RERG: variants seen among roughly 807,000 people sequenced by gnomAD.
RERG encodes RAS like estrogen regulated growth inhibitor.
A neutral mutation model predicts 23.2 loss-of-function variants in RERG; 25 were observed. The ratio of observed to expected loss-of-function variants is 1.08; its 90% CI spans 0.79 to 1.50. The LOEUF (loss-of-function observed/expected upper bound fraction) is 1.50, where lower values mean the gene tolerates loss of function less well. RERG is among the 40% of genes most tolerant of loss of function. The pLI is 0.00. For synonymous variants in RERG, 81 were observed against 89.1 expected (o/e 0.91, Z 0.51); for missense variants, 253 against 250.1 (o/e 1.01, Z -0.08).
At chr12:15,201,588 T>C (rs1022693641) in intron 2 of RERG, among the ~76,000 whole-genome samples, 4 of 148,848 alleles carry the variant, frequency 2.7e-5, no homozygotes, top group Non-Finnish European at 6.0e-5. Flanking sequence ...TAATATTAAT[T>C]ATTAGTAATT....
chr12:15,166,982 G>A (rs1412065244), intron 2 of RERG, among the ~76,000 whole-genome samples: 1 of 152,024 alleles, frequency 6.6e-6, no homozygotes, highest in Non-Finnish European at 1.5e-5. Flanking sequence ...ATATGTTCAT[G>A]TGCTTTCTCA....
At chr12:15,194,478 CAAA>C (rs1446572072) in intron 2 of RERG, among the ~76,000 whole-genome samples, 1 of 142,858 alleles carries the variant, frequency 7.0e-6, no homozygotes, top group East Asian at 2.1e-4. Flanking sequence ...ACTTAAAAAA[CAAA>C]GAAGAGGAAG....
At chr12:15,169,450 C>T (rs1364114849) in intron 2 of RERG, among the ~76,000 whole-genome samples, 4 of 152,188 alleles carry the variant, frequency 2.6e-5, no homozygotes, top group African/African-American at 9.7e-5. Context: ...TCCCCTCTGC[C>T]TGATTGCTTG....
chr12:15,121,156 T>G, intron 2 of RERG, 37 bp from the exon 3 acceptor site: 1 of 1,557,622 alleles, frequency 6.4e-7, no homozygotes, highest in Non-Finnish European at 8.8e-7. Flanking sequence ...AAAAATAATT[T>G]GTTAATTTGC....
At chr12:15,192,870 T>C (rs1373379698) in intron 2 of RERG, among the ~76,000 whole-genome samples, 2 of 152,190 alleles carry the variant, frequency 1.3e-5, no homozygotes, top group Non-Finnish European at 2.9e-5. Flanking sequence ...AGGATAAGCA[T>C]TATTGGAAAG....
At chr12:15,146,607 T>C (rs905110047) in intron 2 of RERG, among the ~76,000 whole-genome samples, 10 of 152,250 alleles carry the variant, frequency 6.6e-5, no homozygotes, top group African/African-American at 2.4e-4. Context: ...AAATCAAATC[T>C]GGGACTGTCA....
chr12:15,155,206 G>A (rs1864504171), intron 2 of RERG: 1 of 152,196 alleles, frequency 6.6e-6, no homozygotes, highest in South Asian at 2.1e-4. Context: ...TGTCTATGCT[G>A]CATTGTAACT....
chr12:15,203,567 C>A (rs1865245593), intron 2 of RERG, among the ~76,000 whole-genome samples: 1 of 151,502 alleles, frequency 6.6e-6, no homozygotes, highest in Non-Finnish European at 1.5e-5. Flanking sequence ...AAGTCCTAAC[C>A]AGAGTAACTA....
At chr12:15,189,800 G>C (rs1865044071) in intron 2 of RERG, among the ~76,000 whole-genome samples, 1 of 152,062 alleles carries the variant, frequency 6.6e-6, no homozygotes, top group Non-Finnish European at 1.5e-5. Flanking sequence ...AGAAATGGAG[G>C]GCTCACTGAA....
chr12:15,158,456 AT>A lies in RERG; in HGVS notation c.62-37338del, dbSNP rs569626815. Among the ~76,000 whole-genome samples, 13 of 151,872 alleles carry A rather than the reference AT, an allele frequency of 8.6e-5. No homozygotes were observed. The East Asian group carries it at 2.5e-3, about 29-fold the overall frequency. ...ATCACCACACCTGGCTAATTTTTGC[AT>A]TTTTTTAAGAGATGGGGTCTCACTG... On this transcript the variant is annotated intron_variant, in intron 2 of 4. Coordinates refer to ENST00000256953, the MANE Select transcript of RERG (RefSeq NM_032918.3).
chr12:15,221,197 GT>G lies in RERG; in HGVS notation c.-118del, dbSNP rs1199392589. ...CTGGACACGTGCGTGACACTCACCT[GT>G]TCACACTCTCCAGGCCAGGAGAGCT... On this transcript the variant is annotated 5_prime_UTR_variant, in exon 1 of 5. Transcript: ENST00000256953. 1 of 152,306 alleles carries G rather than the reference GT, an allele frequency of 6.6e-6. No individual in the cohort carries two copies. Among genetic ancestry groups the G allele is most frequent in the African/African-American group, 2.4e-5 (1 of 41,462 alleles). 9.4% of individuals were successfully genotyped at this position (152,306 alleles called of 1,614,324 possible).
chr12:15,189,405 A>G (rs1865037796), intron 2 of RERG, among the ~76,000 whole-genome samples: 1 of 152,102 alleles, frequency 6.6e-6, no homozygotes, highest in Admixed American at 6.6e-5. Context: ...ACATTTGTCC[A>G]TATATCCACA....
chr12:15,123,528 TTAAATAA>T (rs965199660), intron 2 of RERG, among the ~76,000 whole-genome samples: 49 of 84,924 alleles, frequency 5.8e-4, no homozygotes, highest in East Asian at 5.1e-3. Flanking sequence ...TGTATTAAAT[TTAAATAA>T]TAAATATATA....
chr12:15,130,189 C>T (rs1343325572), intron 2 of RERG, among the ~76,000 whole-genome samples: 1 of 152,118 alleles, frequency 6.6e-6, no homozygotes, highest in East Asian at 1.9e-4. Flanking sequence ...CTGTGCTAGG[C>T]ACTGCCCCAT....
At chr12:15,147,199 C>A (rs1222841001) in intron 2 of RERG, among the ~76,000 whole-genome samples, 1 of 152,104 alleles carries the variant, frequency 6.6e-6, no homozygotes, top group Non-Finnish European at 1.5e-5. Context: ...GATAATTATA[C>A]TGGTGACCAG....
intron 2 of RERG, among the ~76,000 whole-genome samples, chr12:15,154,573 C>A (rs1480495824): frequency 1.3e-5 from 2 of 152,238 alleles, no homozygotes; most frequent in East Asian, 3.9e-4. Flanking sequence ...GAGAAATTTG[C>A]AGAATGGGAA....
chr12:15,126,128 C>CATATATATATATATATATATATAT lies in RERG; in HGVS notation c.62-5033_62-5010dup, dbSNP rs67901734. 2.3e-3 allele frequency among the ~76,000 whole-genome samples: 203 copies of CATATATATATATATATATATATAT among 88,938 alleles called. 4 individuals are homozygous for CATATATATATATATATATATATAT. Among genetic ancestry groups the CATATATATATATATATATATATAT allele is most frequent in the East Asian group, 3.6e-3 (11 of 3,068 alleles). The allele number at this position is 88,938 out of a possible 152,430, so 58.3% of individuals were successfully genotyped here. A position where few individuals can be genotyped will look rare whatever the true frequency, so the allele number is the denominator to read the frequency against. On this transcript the variant is annotated intron_variant, in intron 2 of 4. Transcript: ENST00000256953. ...ATTCCATGGAGAATGTTGTATATAC[C>CATATATATATATATATATATATAT]ATATATATATATATATATATATATG...
intron 2 of RERG, among the ~76,000 whole-genome samples, chr12:15,185,349 C>T (rs1864975297): frequency 6.6e-6 from 1 of 152,014 alleles, no homozygotes; most frequent in Admixed American, 6.6e-5. Flanking sequence ...AATGTACACC[C>T]CAAAACTGAG....
intron 2 of RERG, among the ~76,000 whole-genome samples, chr12:15,177,385 G>A (rs1001373808): frequency 2.0e-5 from 3 of 152,296 alleles, no homozygotes; most frequent in African/African-American, 7.2e-5. Context: ...CCCAGGAGGT[G>A]GAGGTTGCAG....
Sources: gnomAD v4.1 joint callset for allele counts (sites outside exome capture counted in the v4.1 genomes callset) on GRCh38, gnomAD v4.1.1 for gene constraint, MANE v1.5 for transcripts, NCBI Gene and HGNC (gene_info 2026-07-23, HGNC 2026-07-21) for gene names.